The following NSF variants were observed in gnomAD, a reference collection of about 807,000 sequenced individuals.
The protein encoded by NSF is vesicle-fusing ATPase.
Under a neutral mutation model 50.3 loss-of-function variants are expected in NSF, and 14 were observed. The ratio of observed to expected loss-of-function variants is 0.28; its 90% CI spans 0.18 to 0.44. NSF has a LOEUF of 0.44. Ranked by LOEUF, NSF falls within the 20% of genes least tolerant of loss-of-function variation. The pLI, the probability that NSF is intolerant of heterozygous loss-of-function variation, is 1.00. For missense variants in NSF, 218 were observed against 504.3 expected, an observed-to-expected ratio of 0.43 and a Z score of 5.44; for synonymous variants, 109 against 175.7, an observed-to-expected ratio of 0.62 and a Z score of 3.00.
chr17:46,726,460 T>A (rs753283475), intron 15 of NSF, 89 bp from the exon 16 acceptor site: 41 of 1,141,440 alleles, frequency 3.6e-5, no homozygotes, highest in Non-Finnish European at 5.5e-5. Flanking sequence ...GTGCTTTGTT[T>A]AGTATTGCTC....
chr17:46,749,154 G>C (rs1031021893), intron 17 of NSF, among the ~76,000 whole-genome samples: 2 of 152,162 alleles, frequency 1.3e-5, no homozygotes, highest in South Asian at 4.1e-4. Flanking sequence ...GAAAAGCCAA[G>C]AGAATTGAAA....
chr17:46,745,686 T>C (rs2059120961), intron 17 of NSF, among the ~76,000 whole-genome samples: 1 of 152,200 alleles, frequency 6.6e-6, no homozygotes, highest in Admixed American at 6.5e-5. Context: ...ATTAAAAAGC[T>C]AAAAAAGAGA....
chr17:46,740,724 C>T (rs959534689), intron 17 of NSF, among the ~76,000 whole-genome samples: 3 of 150,726 alleles, frequency 2.0e-5, no homozygotes, highest in South Asian at 2.1e-4. Context: ...TACAATGGCA[C>T]GATTTCGGCT....
intron 14 of NSF, among the ~76,000 whole-genome samples, chr17:46,712,026 G>T (rs1285996051): frequency 2.0e-5 from 3 of 152,168 alleles, no homozygotes; most frequent in African/African-American, 7.2e-5. Flanking sequence ...CCATTTGTAG[G>T]ATTTTAAGCA....
intron 17 of NSF, among the ~76,000 whole-genome samples, chr17:46,732,117 A>G (rs2058954832): frequency 6.6e-6 from 1 of 152,236 alleles, no homozygotes. Context: ...AAAAATATTT[A>G]TTACTGGTAA....
chr17:46,718,232 G>A (rs2058793821), intron 15 of NSF, among the ~76,000 whole-genome samples: 1 of 152,074 alleles, frequency 6.6e-6, no homozygotes, highest in Non-Finnish European at 1.5e-5. Flanking sequence ...GCCCCAACAC[G>A]TGCACCCCTG....
At chr17:46,695,061 A>C (rs1275659994) in intron 12 of NSF, among the ~76,000 whole-genome samples, 1 of 94,524 alleles carries the variant, frequency 1.1e-5, no homozygotes, top group Non-Finnish European at 2.1e-5. Flanking sequence ...CCTGGCTAAC[A>C]CGGTGAAACC....
intron 13 of NSF, among the ~76,000 whole-genome samples, chr17:46,710,148 A>G (rs773532329): frequency 7.2e-5 from 11 of 152,336 alleles, no homozygotes; most frequent in South Asian, 6.2e-4. Context: ...GAAATTCTCA[A>G]GATACATGAT....
intron 14 of NSF, among the ~76,000 whole-genome samples, chr17:46,712,184 G>A (rs905333261): frequency 2.0e-5 from 3 of 152,018 alleles, no homozygotes; most frequent in Non-Finnish European, 4.4e-5. Context: ...TGTAGATGGA[G>A]ATAAGTAGAC....
At chr17:46,715,909 G>A (rs556715845) in intron 15 of NSF, among the ~76,000 whole-genome samples, 2 of 152,026 alleles carry the variant, frequency 1.3e-5, no homozygotes, top group Admixed American at 6.6e-5. Flanking sequence ...TTCACTGTCC[G>A]GATCATCCGT....
intron 15 of NSF, chr17:46,721,602 A>G (rs2058831335): frequency 1.3e-6 from 2 of 1,570,790 alleles, no homozygotes; most frequent in Admixed American, 3.3e-5. Context: ...AACTCTGGGA[A>G]TTCAAAATTA....
At chr17:46,705,353 A>G (rs1209025812) in intron 13 of NSF, among the ~76,000 whole-genome samples, 1 of 150,886 alleles carries the variant, frequency 6.6e-6, no homozygotes, top group African/African-American at 2.4e-5. Context: ...TTCTCTGACT[A>G]CTATAGTTTC....
At chr17:46,716,458 C>T (rs531555182) in intron 15 of NSF, among the ~76,000 whole-genome samples, 5 of 152,168 alleles carry the variant, frequency 3.3e-5, no homozygotes, top group South Asian at 2.1e-4. Context: ...GGGGTTTCAC[C>T]GTGTTAGCCA....
chr17:46,724,768 T>G (rs1317512540), intron 15 of NSF, among the ~76,000 whole-genome samples: 2 of 152,148 alleles, frequency 1.3e-5, no homozygotes, highest in East Asian at 3.9e-4. Context: ...TTCAAAAATA[T>G]TTGTTGAGTG....
chr17:46,681,584 G>C (rs1421244823), intron 9 of NSF, among the ~76,000 whole-genome samples: 1 of 150,788 alleles, frequency 6.6e-6, no homozygotes, highest in Non-Finnish European at 1.5e-5. Context: ...CTAGTAAGCT[G>C]TACTGAATTA....
intron 17 of NSF, among the ~76,000 whole-genome samples, chr17:46,748,071 A>C (rs554870146): frequency 2.6e-5 from 4 of 152,216 alleles, no homozygotes; most frequent in Non-Finnish European, 5.9e-5. Flanking sequence ...AGTGCCTTCA[A>C]AATTGTGAGA....
chr17:46,755,992 C>A lies in NSF; in HGVS notation c.*169C>A. ...AATAAAACTCCCTTCCTTATGCATA[C>A]TGAGATAGCTTAGTGTCTCGTGGAA... On this transcript the variant is annotated 3_prime_UTR_variant, in exon 21 of 21. Transcript: ENST00000398238. 1.6e-6 allele frequency: 1 copy of A among 620,880 alleles called. No homozygotes were observed. 38.5% of individuals were successfully genotyped at this position (620,880 alleles called of 1,614,324 possible). A position where few individuals can be genotyped will look rare whatever the true frequency, so the allele number is the denominator to read the frequency against.
chr17:46,732,455 G>A (rs1038527773), intron 17 of NSF, among the ~76,000 whole-genome samples: 5 of 146,342 alleles, frequency 3.4e-5, no homozygotes, highest in Non-Finnish European at 7.4e-5. Context: ...TTTCAGTGTA[G>A]AACTAAAAAT....
Position 46,667,510 on chromosome 17 carries a change from A to G in NSF, c.746-6904A>G, listed in dbSNP as rs1431908108. 1.4e-5 allele frequency among the ~76,000 whole-genome samples: 2 copies of G among 142,980 alleles called. 1 individual carries two copies. The highest frequency in any genetic ancestry group is 3.2e-5 in the Non-Finnish European group (2 of 63,232). 93.8% of individuals were successfully genotyped at this position (142,980 alleles called of 152,430 possible). Reference sequence around the variant, plus strand: ...TTTACCTTGCAAAACTAAAACTAAAACAACCCAATGACAGCACTGCTCTCC... The same window carrying G: ...TTTACCTTGCAAAACTAAAACTAAAGCAACCCAATGACAGCACTGCTCTCC... On this transcript the variant is annotated intron_variant, in intron 8 of 20. Transcript: ENST00000398238.
Sources: allele counts gnomAD v4.1 joint callset (sites outside exome capture counted in the v4.1 genomes callset), GRCh38; gene constraint gnomAD v4.1.1; transcripts MANE v1.5; gene names NCBI Gene and HGNC (gene_info 2026-07-23, HGNC 2026-07-21).